Variants in SEC16A observed in about 807,000 individuals in gnomAD.
SEC16A encodes protein transport protein Sec16A.
A neutral mutation model predicts 221.9 loss-of-function variants in SEC16A; 110 were observed. The observed-to-expected ratio is 0.50, with a 90% CI of 0.42 to 0.58. SEC16A has a LOEUF of 0.58. Ranked by LOEUF, SEC16A falls within the 20% of genes least tolerant of loss-of-function variation. SEC16A has a pLI of 0.00. For missense variants in SEC16A, 3,165 were observed against 3,097.8 expected, an observed-to-expected ratio of 1.02 and a Z score of -0.52; for synonymous variants, 1,393 against 1,257.7, an observed-to-expected ratio of 1.11 and a Z score of -2.28.
At chr9:136,483,348 C>CCCGGCCAGGCG, upstream of SEC16A, 1 of 383,792 alleles carries the variant, frequency 2.6e-6, no homozygotes. Flanking sequence ...CGCCCCTCTT[C>CCCGGCCAGGCG]CGTCGTTCCT....
intron 23 of SEC16A, among the ~76,000 whole-genome samples, chr9:136,450,646 A>C (rs907050906): frequency 2.0e-5 from 3 of 152,134 alleles, no homozygotes; most frequent in Non-Finnish European, 4.4e-5. Context: ...AAGTTAAAGA[A>C]CCGGCACTGC....
At chr9:136,469,773 C>T (rs1171444902) in intron 4 of SEC16A, among the ~76,000 whole-genome samples, 2 of 152,222 alleles carry the variant, frequency 1.3e-5, no homozygotes, top group South Asian at 2.1e-4. Flanking sequence ...GCTGCACACC[C>T]GCCGCTGAGG....
chr9:136,463,264 G>T, intron 11 of SEC16A, 132 bp from the exon 12 acceptor site: 1 of 1,371,280 alleles, frequency 7.3e-7, no homozygotes, highest in Non-Finnish European at 1.0e-6. Flanking sequence ...GCAAGGCTGG[G>T]CTGAAACCTC....
Position 136,447,466 on chromosome 9 carries a change from T to G in SEC16A, c.6560-102A>C. The G allele has an allele frequency of 6.4e-7, 1 of 1,557,442 alleles. No homozygotes were observed. The highest frequency in any genetic ancestry group is 2.3e-5 in the East Asian group (1 of 43,196). Reference sequence around the variant, plus strand: ...GTCAGAGGAAAAGCACGCAGGGACGTGCGGGAAGCCACCTCCTCCCCACGC... The same window carrying G: ...GTCAGAGGAAAAGCACGCAGGGACGGGCGGGAAGCCACCTCCTCCCCACGC... On this transcript the variant is annotated intron_variant, in intron 26 of 31. Coordinates refer to ENST00000684901, the MANE Select transcript of SEC16A (RefSeq NM_014866.2). This position sits in a 1 kb window ranked among gnomAD's most constrained non-coding sequence, Gnocchi z 5.5.
intron 17 of SEC16A, among the ~76,000 whole-genome samples, chr9:136,457,916 C>T (rs557880642): frequency 6.6e-6 from 1 of 152,314 alleles, no homozygotes; most frequent in East Asian, 1.9e-4. Context: ...CACTGCCTTC[C>T]GTGTAGCTTA....
rs746070589 is a variant in SEC16A, at chr9:136,476,096, C to A, written c.1520G>T (p.Gly507Val). Reference protein sequence around the residue: ...VPRHGAVCHTGAPDATLHTVH... With the variant: ...VPRHGAVCHTVAPDATLHTVH... Reference sequence around the variant, plus strand: ...TGTATGCAGTGTGGCATCAGGGGCTCCGGTGTGGCACACAGCACCATGCCT... The same window carrying A: ...TGTATGCAGTGTGGCATCAGGGGCTACGGTGTGGCACACAGCACCATGCCT... Residue 507 changes from glycine to valine, a missense_variant, in exon 3 of 32, where the codon GGA (glycine) becomes GTA (valine). Transcript: ENST00000684901. 67 of 1,613,518 alleles carry A rather than the reference C, an allele frequency of 4.2e-5. No homozygotes were observed. The highest frequency in any genetic ancestry group is 2.8e-4 in the Admixed American group (17 of 59,986).
chr9:136,442,588 G>A (rs997977154), intron 31 of SEC16A, among the ~76,000 whole-genome samples: 8 of 152,238 alleles, frequency 5.3e-5, no homozygotes, highest in Non-Finnish European at 1.2e-4. Flanking sequence ...GAGGAGAGAC[G>A]AGGCTGAGGG....
At position 136,462,940 on chromosome 9, in the gene SEC16A, G is replaced by T. The variant is rs575014700; in HGVS notation, c.4840C>A (p.Leu1614Ile). The change falls in exon 12 of 32, where the codon CTC (leucine) becomes ATC (isoleucine). Residue 1614 changes from leucine to isoleucine, a missense_variant. This residue lies in a region of SEC16A where 1,088 missense variants were observed against 1,089.6 expected (regional missense o/e 1.00). Transcript: ENST00000684901. ...TGGPAAAASS[L>I]ERETERFREL... ...CTGAACCTCTCGGTCTCTCTCTCGA[G>T]CGAGCTGGCGGCAGCCGCCGGACCA... 3 of 1,605,280 alleles carry T rather than the reference G, an allele frequency of 1.9e-6. No individual in the cohort carries two copies. Among genetic ancestry groups the T allele is most frequent in the Non-Finnish European group, 2.5e-6 (3 of 1,179,840 alleles).
At chr9:136,453,368 G>C in intron 22 of SEC16A, 60 bp downstream of exon 22, 1 of 1,221,726 alleles carries the variant, frequency 8.2e-7, no homozygotes, top group Non-Finnish European at 1.2e-6. Flanking sequence ...CAAGGAGTCT[G>C]GGTGCCCACT....
intron 9 of SEC16A, 30 bp downstream of exon 9, chr9:136,464,390 G>C (rs1466273872): frequency 2.5e-6 from 4 of 1,577,172 alleles, no homozygotes; most frequent in Non-Finnish European, 3.5e-6. Context: ...CAGCAGAGCA[G>C]TGACGCCACG....
In SEC16A at chr9:136,454,182, A is replaced by G; in HGVS notation, c.6003T>C (p.Pro2001=). Reference sequence around the variant, plus strand: ...GAGGTGGCACACCAGGTGGGAGGCCAGGCCCGGAGGGCTCCAGGAAGCCAA... The same window carrying G: ...GAGGTGGCACACCAGGTGGGAGGCCGGGCCCGGAGGGCTCCAGGAAGCCAA... ...PALGFLEPSG[P]GLPPGVPPLQ... is the part of the protein sequence containing the mutation. Residue 2001 remains proline (P), a synonymous_variant, in exon 21 of 32, where the codon CCT becomes CCC. Coordinates refer to ENST00000684901, the MANE Select transcript of SEC16A (RefSeq NM_014866.2). The G allele has an allele frequency of 6.4e-7, 1 of 1,558,990 alleles. No individual in the cohort carries two copies. Among genetic ancestry groups the G allele is most frequent in the Middle Eastern group, 1.7e-4 (1 of 5,810 alleles).
chr9:136,459,546 C>T lies in SEC16A; in HGVS notation c.5201G>A (p.Gly1734Asp). Residue 1734 changes from glycine (G) to aspartate (D), a missense_variant, in exon 16 of 32, where the codon GGC (glycine) becomes GAC (aspartate). Physicochemically the swap from Gly to Asp is moderately conservative, Grantham distance 94. This residue lies in a region of SEC16A where 1,088 missense variants were observed against 1,089.6 expected (regional missense o/e 1.00). Transcript: ENST00000684901. This position sits in a 1 kb window ranked among gnomAD's most constrained non-coding sequence, Gnocchi z 6.1. The stretch of plus-strand genomic sequence containing the variant: ...GCAGAAGTGGGCCGCATCCAAGAGG[C>T]CCCTTGAAGCTGCGGAGAGACGACA... ...ATMGDTLASR[G>D]LLDAAHFCYL... 2 of 1,596,698 alleles carry T rather than the reference C, an allele frequency of 1.3e-6. No homozygotes were observed. The highest frequency in any genetic ancestry group is 1.7e-6 in the Non-Finnish European group (2 of 1,171,232).
Position 136,475,345 on chromosome 9 carries a change from A to G in SEC16A, c.2271T>C (p.Val757=), listed in dbSNP as rs1389218008. ...LYVCAKPQPP[V]VQPPEEAMSG... is the part of the protein sequence containing the mutation. ...ACATCGCCTCTTCTGGAGGCTGAAC[A>G]ACAGGTGGCTGAGGTTTTGCACACA... Residue 757 remains valine, a synonymous_variant, in exon 3 of 32, where the codon GTT becomes GTC. Coordinates refer to ENST00000684901, the MANE Select transcript of SEC16A (RefSeq NM_014866.2). The surrounding 1 kb of genome is among the most constrained non-coding windows in gnomAD (Gnocchi z 5.0). 1 of 1,610,332 alleles carries G rather than the reference A, an allele frequency of 6.2e-7. No homozygotes were observed.
In SEC16A at chr9:136,466,092, CTCG is replaced by C; in HGVS notation, c.4170_4172del (p.Tyr1390_Glu1391delinsTer). 1 of 1,608,650 alleles carries C rather than the reference CTCG, an allele frequency of 6.2e-7. No individual in the cohort carries two copies. The highest frequency in any genetic ancestry group is 8.5e-7 in the Non-Finnish European group (1 of 1,176,510). On this transcript the variant is annotated stop_gained and inframe_deletion, in exon 8 of 32. Coordinates refer to ENST00000684901, the MANE Select transcript of SEC16A (RefSeq NM_014866.2). LOFTEE classifies it high-confidence loss of function. This position sits in a 1 kb window ranked among gnomAD's most constrained non-coding sequence, Gnocchi z 5.5. ...GAAAGGAGCCTGGAGGAAGCGGGGC[CTCG>C]TAGGAACCGGCAGCCACATTGTGGC...
intron 22 of SEC16A, 134 bp from the exon 23 acceptor site, chr9:136,451,542 G>C: frequency 9.5e-7 from 1 of 1,057,940 alleles, no homozygotes; most frequent in African/African-American, 1.6e-5. Flanking sequence ...TGACCAGAGG[G>C]AGGCAGGAAG....
Position 136,454,209 on chromosome 9 carries a change from T to C in SEC16A, c.5976A>G (p.Ala1992=), listed in dbSNP as rs777402800. 36 of 1,565,338 alleles carry C rather than the reference T, an allele frequency of 2.3e-5. No individual in the cohort carries two copies. Among genetic ancestry groups the C allele is most frequent in the Non-Finnish European group, 2.9e-5 (33 of 1,154,982 alleles). ...GCCCGGAGGGCTCCAGGAAGCCAAG[T>C]GCAGGCCCTGGGGTCACACAGCCAG... ...PGPGCVTPGP[A]LGFLEPSGPG... Residue 1992 remains alanine, a synonymous_variant, in exon 21 of 32, where the codon GCA becomes GCG. Coordinates refer to ENST00000684901, the MANE Select transcript of SEC16A (RefSeq NM_014866.2).
Position 136,474,254 on chromosome 9 carries a change from C to G in SEC16A, c.3362G>C (p.Ser1121Thr). Reference sequence around the variant, plus strand: ...GGAGCCACTGGACACCAGAGACACGCTAGAGGACTGAGGAGGCCGAGGGGG... The same window carrying G: ...GGAGCCACTGGACACCAGAGACACGGTAGAGGACTGAGGAGGCCGAGGGGG... ...QLPPRPPQSS[S>T]VSLVSSGSGQ... Residue 1121 changes from serine (S) to threonine (T), a missense_variant, in exon 3 of 32, where the codon AGC becomes ACC. Physicochemically the swap from Ser to Thr is moderately conservative, Grantham distance 58. Transcript: ENST00000684901. The G allele has an allele frequency of 6.2e-7, 1 of 1,608,782 alleles. No individual in the cohort carries two copies.
At chr9:136,481,923 CAGA>C (rs1374988374) in intron 1 of SEC16A, among the ~76,000 whole-genome samples, 1 of 152,068 alleles carries the variant, frequency 6.6e-6, no homozygotes, top group Non-Finnish European at 1.5e-5. Flanking sequence ...AAGATGCTTA[CAGA>C]AGAAGAAATC....
Position 136,476,773 on chromosome 9 carries a change from G to T in SEC16A, c.843C>A (p.Asp281Glu). The T allele has an allele frequency of 6.2e-7, 1 of 1,611,198 alleles. No homozygotes were observed. Among genetic ancestry groups the T allele is most frequent in the African/African-American group, 1.3e-5 (1 of 74,978 alleles). ...TTCCACTTTGCAAGTGGCTCACCTC[G>T]TCTCTTCCGTCACTGGGCAAGGCTG... The part of the protein sequence containing the change: ...PPAALPSDGR[D>E]EVSHLQSGSH... The change falls in exon 3 of 32, where the codon GAC becomes GAA. Residue 281 changes from aspartate to glutamate, a missense_variant. By Grantham distance (45) the Asp-to-Glu change is conservative. Coordinates refer to ENST00000684901, the MANE Select transcript of SEC16A (RefSeq NM_014866.2).
Sources: allele counts gnomAD v4.1 joint callset (sites outside exome capture counted in the v4.1 genomes callset), GRCh38; gene constraint gnomAD v4.1.1; regional missense constraint gnomAD v4.1.1; non-coding constraint Gnocchi (gnomAD v3.1); transcripts MANE v1.5; gene names NCBI Gene and HGNC (gene_info 2026-07-23, HGNC 2026-07-21).